The following WWC1 variants were observed in gnomAD, a reference collection of about 807,000 sequenced individuals.
WWC1 encodes the protein protein KIBRA.
A neutral mutation model predicts 138.4 loss-of-function variants in WWC1; 55 were observed. That is an observed-to-expected ratio of 0.40 (90% CI 0.32 to 0.50). The LOEUF is 0.50. Among genes scored for constraint, WWC1 ranks in the 20% least tolerant of loss-of-function variants. WWC1 has a pLI of 0.72. For missense variants in WWC1, 1,226 were observed against 1,420.4 expected (o/e 0.86, Z 2.20); for synonymous variants, 524 against 564.9 (o/e 0.93, Z 1.03).
At chr5:168,441,491 C>G (rs1267178090) in intron 15 of WWC1, among the ~76,000 whole-genome samples, 191 bp from the exon 16 acceptor site, 1 of 152,058 alleles carries the variant, frequency 6.6e-6, no homozygotes, top group Non-Finnish European at 1.5e-5. Context: ...ATGATTAAAC[C>G]AATCAATCAA....
At chr5:168,420,040 T>A (rs982163632) in intron 9 of WWC1, among the ~76,000 whole-genome samples, 1 of 152,226 alleles carries the variant, frequency 6.6e-6, no homozygotes, top group Non-Finnish European at 1.5e-5. Flanking sequence ...TCTCTCCAGC[T>A]CCTTTGCTGA....
intron 19 of WWC1, 73 bp downstream of exon 19, chr5:168,455,593 C>A: frequency 6.4e-7 from 1 of 1,554,600 alleles, no homozygotes; most frequent in African/African-American, 1.4e-5. Context: ...GGGTGCAAAT[C>A]CCATTACTCT....
At chr5:168,442,056 C>T (rs1754820810) in intron 16 of WWC1, among the ~76,000 whole-genome samples, 1 of 152,214 alleles carries the variant, frequency 6.6e-6, no homozygotes, top group South Asian at 2.1e-4. Context: ...TCCTTCTGTC[C>T]TTTGCCCTAC....
chr5:168,327,947 G>T (rs1454958805), intron 1 of WWC1, among the ~76,000 whole-genome samples: 2 of 152,200 alleles, frequency 1.3e-5, no homozygotes, highest in Non-Finnish European at 1.5e-5. Context: ...AGAAGTTAGA[G>T]CATGTGGGTG....
rs373674209 is a variant in WWC1, at chr5:168,439,164, CT to C, written c.2281-2514del. ...CACAAAAGGTAGCATATTATATATT[CT>C]TTTCTGCACCATGCTATTTTCTTCC... On this transcript the variant is annotated intron_variant, in intron 15 of 22. Transcript: ENST00000265293. Among the ~76,000 whole-genome samples the C allele has an allele frequency of 3.2e-4, 48 of 152,260 alleles. 1 individual carries two copies. Among genetic ancestry groups the C allele is most frequent in the African/African-American group, 1.1e-3 (47 of 41,546 alleles).
At position 168,424,881 on chromosome 5, in the gene WWC1, G is replaced by A. The variant is rs142464708; in HGVS notation, c.1810+813G>A. On this transcript the variant is annotated intron_variant, in intron 11 of 22. Coordinates refer to ENST00000265293, the MANE Select transcript of WWC1 (RefSeq NM_015238.3). Reference sequence around the variant, plus strand: ...ATGGGGTCAGAAAGAACATTTTGGTGTTGGCCGGAATTTAAGTTGGAATCT... The same window carrying A: ...ATGGGGTCAGAAAGAACATTTTGGTATTGGCCGGAATTTAAGTTGGAATCT... 9.5e-4 allele frequency among the ~76,000 whole-genome samples: 145 copies of A among 152,320 alleles called. 1 individual carries two copies. The highest frequency in any genetic ancestry group is 1.5e-3 in the Non-Finnish European group (102 of 68,024).
At chr5:168,315,102 T>G (rs1273659259) in intron 1 of WWC1, among the ~76,000 whole-genome samples, 3 of 152,166 alleles carry the variant, frequency 2.0e-5, no homozygotes, top group African/African-American at 7.2e-5. Context: ...AACGAGTCAT[T>G]AGTGAGCTGT....
chr5:168,465,836 G>A (rs558722251), intron 21 of WWC1, among the ~76,000 whole-genome samples: 4 of 152,262 alleles, frequency 2.6e-5, no homozygotes, highest in South Asian at 4.2e-4. Flanking sequence ...GCGATTACAG[G>A]CATGAGCCAG....
chr5:168,330,907 A>G (rs1772982973), intron 1 of WWC1, among the ~76,000 whole-genome samples: 5 of 152,138 alleles, frequency 3.3e-5, no homozygotes, highest in African/African-American at 1.2e-4. Flanking sequence ...CCTTCCCCTG[A>G]CCTTCCCAGA....
intron 19 of WWC1, 123 bp from the exon 20 acceptor site, chr5:168,460,527 G>C: frequency 1.2e-6 from 1 of 809,220 alleles, no homozygotes; most frequent in Non-Finnish European, 2.0e-6. Flanking sequence ...TGAAACCTGG[G>C]TGTTTGCAGA....
chr5:168,365,657 C>A (rs1776233684), intron 1 of WWC1, among the ~76,000 whole-genome samples: 1 of 152,162 alleles, frequency 6.6e-6, no homozygotes, highest in South Asian at 2.1e-4. Context: ...AGGCTTCCAG[C>A]CCCCGGGGTG....
intron 2 of WWC1, among the ~76,000 whole-genome samples, chr5:168,379,903 C>A (rs780994655): frequency 6.6e-6 from 1 of 152,068 alleles, no homozygotes; most frequent in Non-Finnish European, 1.5e-5. Flanking sequence ...TATAAAACAT[C>A]TAGAAGAAAA....
intron 11 of WWC1, among the ~76,000 whole-genome samples, chr5:168,424,629 A>G (rs1781367541): frequency 6.6e-6 from 1 of 152,200 alleles, no homozygotes; most frequent in Non-Finnish European, 1.5e-5. Context: ...AGCCTTGGGA[A>G]AAGCAAGAGC....
At chr5:168,422,225 G>A in intron 10 of WWC1, 128 bp downstream of exon 10, 1 of 893,530 alleles carries the variant, frequency 1.1e-6, no homozygotes, top group Non-Finnish European at 1.8e-6. Flanking sequence ...TAGAAGCATA[G>A]CAAATGGATT....
intron 1 of WWC1, among the ~76,000 whole-genome samples, chr5:168,331,462 G>A (rs914342610): frequency 1.4e-4 from 21 of 152,160 alleles, no homozygotes; most frequent in Admixed American, 5.2e-4. Flanking sequence ...ACCTGCCTGG[G>A]TCATGCTGGA....
intron 19 of WWC1, among the ~76,000 whole-genome samples, chr5:168,459,053 A>G (rs1163776407): frequency 2.6e-5 from 4 of 152,136 alleles, no homozygotes; most frequent in Non-Finnish European, 4.4e-5. Flanking sequence ...CAGGAGTTTG[A>G]GACCAGCCTG....
intron 18 of WWC1, among the ~76,000 whole-genome samples, 196 bp from the exon 19 acceptor site, chr5:168,455,160 G>A (rs941082783): frequency 2.6e-5 from 4 of 152,156 alleles, no homozygotes; most frequent in African/African-American, 7.2e-5. Flanking sequence ...GGTAGGGGTC[G>A]GCACACCTAG....
intron 22 of WWC1, among the ~76,000 whole-genome samples, chr5:168,468,377 C>T (rs954304224): frequency 7.9e-5 from 12 of 151,918 alleles, no homozygotes; most frequent in Admixed American, 2.6e-4. Context: ...ATGCTGGACC[C>T]GGGTGTATTC....
chr5:168,380,173 A>G (rs1013669462), intron 2 of WWC1, among the ~76,000 whole-genome samples: 3 of 152,230 alleles, frequency 2.0e-5, no homozygotes, highest in African/African-American at 7.2e-5. Context: ...CAGCTGGCAC[A>G]GTCGCTCATG....
Sources: gnomAD v4.1 joint callset for allele counts (sites outside exome capture counted in the v4.1 genomes callset) on GRCh38, gnomAD v4.1.1 for gene constraint, MANE v1.5 for transcripts, NCBI Gene and HGNC (gene_info 2026-07-23, HGNC 2026-07-21) for gene names.